RGL1: variants seen among roughly 807,000 people sequenced by gnomAD.
The protein encoded by RGL1 is ral guanine nucleotide dissociation stimulator-like 1.
A neutral mutation model predicts 95.2 loss-of-function variants in RGL1; 24 were observed. The observed-to-expected ratio is 0.25, with a 90% CI of 0.18 to 0.35. The LOEUF (loss-of-function observed/expected upper bound fraction) is 0.35. Ranked by LOEUF, RGL1 falls within the 10% of genes least tolerant of loss-of-function variation. The pLI, the probability that RGL1 is intolerant of heterozygous loss-of-function variation, is 1.00. For synonymous variants in RGL1, 329 were observed against 344.9 expected (o/e 0.95, Z 0.51); for missense variants, 715 against 936.3 (o/e 0.76, Z 3.08).
At chr1:183,903,314 G>T (rs938188842) in intron 12 of RGL1, among the ~76,000 whole-genome samples, 2 of 152,124 alleles carry the variant, frequency 1.3e-5, no homozygotes, top group African/African-American at 4.8e-5. Flanking sequence ...TTTCGTGTCA[G>T]CATAGGAAGG....
chr1:183,832,515 T>C (rs1015011490), intron 2 of RGL1, among the ~76,000 whole-genome samples: 2 of 152,148 alleles, frequency 1.3e-5, no homozygotes, highest in African/African-American at 4.8e-5. Flanking sequence ...AGAAAGAGTA[T>C]AGAAAAAGAG....
intron 2 of RGL1, among the ~76,000 whole-genome samples, chr1:183,761,245 C>T (rs943899123): frequency 4.6e-5 from 7 of 152,130 alleles, no homozygotes; most frequent in African/African-American, 1.7e-4. Flanking sequence ...GCAGCTATAG[C>T]CTTATGAAAT....
chr1:183,816,659 A>G (rs921032268), intron 2 of RGL1, among the ~76,000 whole-genome samples: 2 of 152,206 alleles, frequency 1.3e-5, no homozygotes, highest in Admixed American at 1.3e-4. Flanking sequence ...AAATATAAGG[A>G]TATTCTTACT....
In RGL1 at chr1:183,888,204, C is replaced by G. The variant is rs1667226553; in HGVS notation, c.952-270C>G. 2.6e-5 allele frequency among the ~76,000 whole-genome samples: 4 copies of G among 152,070 alleles called. No homozygotes were observed. The South Asian group carries it at 8.3e-4, about 31-fold the overall frequency. ...AGACTTACCTCCATTAGTGTTTTTACTAGGAAAGCTGGAAACTATAAAACT... is the reference window on the plus strand; with the variant it reads ...AGACTTACCTCCATTAGTGTTTTTAGTAGGAAAGCTGGAAACTATAAAACT... On this transcript the variant is annotated intron_variant, in intron 7 of 17. Coordinates refer to ENST00000360851, the MANE Select transcript of RGL1 (RefSeq NM_001297671.3).
Position 183,900,197 on chromosome 1 carries a change from C to T in RGL1, c.1278C>T (p.Asp426=), listed in dbSNP as rs1667935878. Residue 426 remains aspartate (D), a synonymous_variant, in exon 11 of 18, where the codon GAC becomes GAT. Transcript: ENST00000360851. The part of the protein sequence containing the change: ...TVPYLGTFLT[D]LTMLDTALQD... The stretch of plus-strand genomic sequence containing the variant: ...CCTACCTGGGCACCTTCCTGACTGA[C>T]CTGACCATGCTTGACACTGCCCTTC... 5.0e-6 allele frequency: 8 copies of T among 1,613,958 alleles called. No homozygotes were observed. In the East Asian group the frequency reaches 1.8e-4, roughly 36 times the overall value.
At chr1:183,732,968 T>TTAGG in intron 1 of RGL1, among the ~76,000 whole-genome samples, 1 of 152,178 alleles carries the variant, frequency 6.6e-6, no homozygotes, top group Non-Finnish European at 1.5e-5. Flanking sequence ...TTTGGTTCAC[T>TTAGG]CTAAAATAAT....
At position 183,806,457 on chromosome 1, in the gene RGL1, C is replaced by T. The variant is rs1661344482; in HGVS notation, c.110C>T (p.Ala37Val). The change falls in exon 2 of 18, where the codon GCT becomes GTT. Residue 37 changes from alanine (A) to valine (V), a missense_variant. Transcript: ENST00000360851. ...VTLKRVQIQQ[A>V]ANKGARWLGV... ...CTCAAAAGAGTCCAGATTCAACAGGCTGCCAATAAAGGAGCAAGATGGCTA... is the reference window on the plus strand; with the variant it reads ...CTCAAAAGAGTCCAGATTCAACAGGTTGCCAATAAAGGAGCAAGATGGCTA... The T allele has an allele frequency of 6.2e-7, 1 of 1,613,898 alleles. No homozygotes were observed. The highest frequency in any genetic ancestry group is 1.3e-5 in the African/African-American group (1 of 75,030).
chr1:183,895,014 C>A (rs959208366), intron 9 of RGL1, among the ~76,000 whole-genome samples: 1 of 152,146 alleles, frequency 6.6e-6, no homozygotes, highest in Non-Finnish European at 1.5e-5. Flanking sequence ...AGCAGAATGC[C>A]AGCAAATCTT....
At chr1:183,743,653 T>C (rs1313361197) in intron 2 of RGL1, among the ~76,000 whole-genome samples, 1 of 152,188 alleles carries the variant, frequency 6.6e-6, no homozygotes, top group Non-Finnish European at 1.5e-5. Context: ...TAAAGACAAA[T>C]AGAAGAGTTT....
At chr1:183,865,875 A>G (rs922935494) in intron 3 of RGL1, 121 bp from the exon 4 acceptor site, 1 of 689,504 alleles carries the variant, frequency 1.5e-6, no homozygotes, top group Admixed American at 2.3e-5. Context: ...TATTTCATAG[A>G]TATATCTTTC....
chr1:183,849,786 C>G (rs1039560251), intron 3 of RGL1, among the ~76,000 whole-genome samples: 1 of 152,022 alleles, frequency 6.6e-6, no homozygotes, highest in African/African-American at 2.4e-5. Context: ...CTGCGCCCAG[C>G]AAATTTGTTT....
chr1:183,726,807 A>T (rs1211267235), intron 1 of RGL1, among the ~76,000 whole-genome samples: 2 of 152,156 alleles, frequency 1.3e-5, no homozygotes, highest in Non-Finnish European at 2.9e-5. Flanking sequence ...TGCTTCCATT[A>T]TACTTACCAG....
At position 183,928,176 on chromosome 1, in the gene RGL1, AT is replaced by A. The variant is rs1484316486; in HGVS notation, c.*1885del. On this transcript the variant is annotated 3_prime_UTR_variant, in exon 18 of 18. Transcript: ENST00000360851. The stretch of plus-strand genomic sequence containing the variant: ...TTGGTGCGAAGGTAAAAAAAAAAAA[AT>A]AAATAAAACCATTGGCCTGGTTGAG... 6 of 151,870 alleles carry A rather than the reference AT, an allele frequency of 4.0e-5. No individual in the cohort carries two copies. Among genetic ancestry groups the A allele is most frequent in the Non-Finnish European group, 7.4e-5 (5 of 67,860 alleles). 9.4% of individuals were successfully genotyped at this position (151,870 alleles called of 1,614,324 possible). A position where few individuals can be genotyped will look rare whatever the true frequency, so the allele number is the denominator to read the frequency against.
chr1:183,692,957 A>ATT (rs566962381), intron 1 of RGL1, among the ~76,000 whole-genome samples: 12,360 of 145,350 alleles, frequency 0.085, 960 homozygotes, highest in African/African-American at 0.21. Flanking sequence ...GATAAAAAAA[A>ATT]TTTTTTTTTT....
chr1:183,759,085 C>A (rs998337964), intron 2 of RGL1, among the ~76,000 whole-genome samples: 1 of 152,078 alleles, frequency 6.6e-6, no homozygotes, highest in East Asian at 1.9e-4. Context: ...GTTTTGTGTT[C>A]CTTCTGAGCT....
intron 12 of RGL1, 126 bp downstream of exon 12, chr1:183,902,726 C>T (rs1483310050): frequency 3.7e-6 from 3 of 815,042 alleles, no homozygotes; most frequent in African/African-American, 3.4e-5. Flanking sequence ...TTATCATATA[C>T]CATTTTGCTT....
intron 2 of RGL1, among the ~76,000 whole-genome samples, chr1:183,812,207 T>C (rs1661769402): frequency 6.6e-6 from 1 of 152,246 alleles, no homozygotes; most frequent in Non-Finnish European, 1.5e-5. Context: ...AATTAGTTTC[T>C]ATAAACAGAG....
At chr1:183,794,790 T>C (rs760218027) in intron 2 of RGL1, among the ~76,000 whole-genome samples, 5 of 152,290 alleles carry the variant, frequency 3.3e-5, no homozygotes, top group Non-Finnish European at 7.4e-5. Flanking sequence ...AACACAGCCT[T>C]AATAAAAGCT....
chr1:183,699,756 T>C (rs895700307), intron 1 of RGL1, among the ~76,000 whole-genome samples: 1 of 152,196 alleles, frequency 6.6e-6, no homozygotes, highest in Admixed American at 6.5e-5. Context: ...CCTTGTACTC[T>C]CTTTTAAATA....
Sources: gnomAD v4.1 joint callset for allele counts (sites outside exome capture counted in the v4.1 genomes callset) on GRCh38, gnomAD v4.1.1 for gene constraint, MANE v1.5 for transcripts, NCBI Gene and HGNC (gene_info 2026-07-23, HGNC 2026-07-21) for gene names.